RAD51B: variants seen among roughly 807,000 people sequenced by gnomAD.
The protein encoded by RAD51B is DNA repair protein RAD51 homolog 2.
RAD51B carries 38 observed loss-of-function variants against 42.2 expected under a neutral mutation model. The observed-to-expected ratio is 0.90, with a 90% CI of 0.70 to 1.18. The LOEUF (loss-of-function observed/expected upper bound fraction) is 1.18, where lower values mean the gene tolerates loss of function less well. RAD51B is among the 50% of genes most tolerant of loss of function. The probability of loss-of-function intolerance (pLI) is 0.00; values close to 1 mark genes in which losing one functional copy is unlikely to be tolerated. For missense variants in RAD51B, 373 were observed against 400.7 expected, an observed-to-expected ratio of 0.93 and a Z score of 0.59; for synonymous variants, 154 against 145.2, an observed-to-expected ratio of 1.06 and a Z score of -0.43.
intron 7 of RAD51B, 120 bp downstream of exon 7, chr14:67,887,324 TA>T: frequency 1.2e-6 from 1 of 850,202 alleles, no homozygotes; most frequent in African/African-American, 1.7e-5. Flanking sequence ...GATGACTTTT[TA>T]AAGGTAGTAC....
chr14:68,071,237 C>T (rs1279112658), intron 7 of RAD51B, among the ~76,000 whole-genome samples: 1 of 151,998 alleles, frequency 6.6e-6, no homozygotes, highest in Admixed American at 6.6e-5. Flanking sequence ...TTCCTTTCTT[C>T]CTATGTGGAT....
intron 7 of RAD51B, among the ~76,000 whole-genome samples, chr14:68,138,548 T>A (rs1482791805): frequency 1.3e-5 from 2 of 152,148 alleles, no homozygotes; most frequent in Admixed American, 6.6e-5. Context: ...GATAAAAACT[T>A]TTCTGTCTTT....
At chr14:68,416,875 T>C (rs2084574159) in intron 9 of RAD51B, among the ~76,000 whole-genome samples, 1 of 151,966 alleles carries the variant, frequency 6.6e-6, no homozygotes, top group African/African-American at 2.4e-5. Context: ...AGGGACCAGA[T>C]AGCATGAGGA....
intron 7 of RAD51B, among the ~76,000 whole-genome samples, chr14:68,256,788 G>A (rs1003349352): frequency 1.2e-4 from 19 of 152,022 alleles, no homozygotes; most frequent in South Asian, 1.0e-3. Flanking sequence ...TCTGAAACCC[G>A]ATACAAAAAG....
intron 7 of RAD51B, among the ~76,000 whole-genome samples, chr14:68,079,736 T>C (rs1023556031): frequency 6.6e-6 from 1 of 152,222 alleles, no homozygotes; most frequent in Non-Finnish European, 1.5e-5. Flanking sequence ...TTTTTCTCAC[T>C]GCATAGGATA....
chr14:67,945,458 A>C (rs1315921778), intron 7 of RAD51B, among the ~76,000 whole-genome samples: 8 of 152,094 alleles, frequency 5.3e-5, no homozygotes, highest in African/African-American at 1.9e-4. Context: ...TGGGTATGTG[A>C]TTGGTGAGAA....
intron 7 of RAD51B, among the ~76,000 whole-genome samples, chr14:68,009,737 TA>T (rs1056410882): frequency 6.6e-6 from 1 of 151,950 alleles, no homozygotes; most frequent in African/African-American, 2.4e-5. Context: ...TAGTTTTCTC[TA>T]TTTTTTCCTG....
At chr14:68,352,495 C>A (rs1177686659) in intron 8 of RAD51B, among the ~76,000 whole-genome samples, 1 of 152,250 alleles carries the variant, frequency 6.6e-6, no homozygotes, top group Non-Finnish European at 1.5e-5. Context: ...TTGTAGAAGT[C>A]TCTTCCCAAA....
At chr14:68,080,369 C>T (rs951054043) in intron 7 of RAD51B, among the ~76,000 whole-genome samples, 1 of 152,076 alleles carries the variant, frequency 6.6e-6, no homozygotes, top group Non-Finnish European at 1.5e-5. Context: ...TTTTCCTTTT[C>T]TGGGATTCTT....
chr14:68,517,025 CAAAT>C (rs769323716), intron 10 of RAD51B, among the ~76,000 whole-genome samples: 5 of 152,162 alleles, frequency 3.3e-5, no homozygotes, highest in Non-Finnish European at 7.4e-5. Flanking sequence ...AAATGCCTGT[CAAAT>C]AACCAAATCT....
Position 68,162,507 on chromosome 14 carries a change from C to T in RAD51B, c.757-129377C>T, listed in dbSNP as rs371880728. Among the ~76,000 whole-genome samples the T allele has an allele frequency of 1.3e-4, 20 of 152,220 alleles. No homozygotes were observed. The South Asian group carries it at 2.3e-3, about 17-fold the overall frequency. On this transcript the variant is annotated intron_variant, in intron 7 of 10. Coordinates refer to ENST00000471583, the MANE Select transcript of RAD51B (RefSeq NM_133510.4). ...AATTATTTTTTAAAATCCGAGCTGC[C>T]GGGCGTAGTGGCTCACGCCAGTAAT... is the stretch of plus-strand genomic sequence containing the variant.
At chr14:68,412,142 T>C (rs963212853) in intron 9 of RAD51B, among the ~76,000 whole-genome samples, 11 of 152,220 alleles carry the variant, frequency 7.2e-5, no homozygotes, top group Non-Finnish European at 1.5e-4. Context: ...CTTTTAAGTC[T>C]TCTGTCTTCA....
chr14:68,447,015 G>A (rs1354738139), intron 9 of RAD51B, among the ~76,000 whole-genome samples: 5 of 152,106 alleles, frequency 3.3e-5, no homozygotes, highest in African/African-American at 7.2e-5. Context: ...TCAGGAGTTC[G>A]AGACCAGCCT....
intron 7 of RAD51B, among the ~76,000 whole-genome samples, chr14:68,024,843 T>A (rs559194129): frequency 6.6e-6 from 1 of 152,092 alleles, no homozygotes; most frequent in South Asian, 2.1e-4. Flanking sequence ...ATTTATTTTT[T>A]ATTTTTTTGC....
intron 9 of RAD51B, among the ~76,000 whole-genome samples, chr14:68,412,498 G>GC (rs2084446665): frequency 6.6e-6 from 1 of 152,188 alleles, no homozygotes; most frequent in Admixed American, 6.5e-5. Context: ...AGGTAAACTG[G>GC]CTCTTTTTCA....
intron 7 of RAD51B, among the ~76,000 whole-genome samples, chr14:68,120,404 T>G (rs2077627819): frequency 1.3e-5 from 2 of 152,194 alleles, no homozygotes; most frequent in South Asian, 4.1e-4. Flanking sequence ...ATATAAGTGG[T>G]TTAAGTTTCT....
At chr14:68,470,416 C>T in intron 10 of RAD51B, 1 of 448,024 alleles carries the variant, frequency 2.2e-6, no homozygotes, top group East Asian at 5.5e-5. Context: ...ACAAAAAATG[C>T]AGGTCCCCAG....
intron 10 of RAD51B, among the ~76,000 whole-genome samples, chr14:68,558,353 G>A (rs185602058): frequency 1.6e-4 from 25 of 152,376 alleles, no homozygotes; most frequent in Admixed American, 3.9e-4. Flanking sequence ...ATTCGGCCAC[G>A]AGAGCTATAC....
chr14:68,245,517 AAATATTTGGTTCAAATT>A (rs1168115151), intron 7 of RAD51B, among the ~76,000 whole-genome samples: 1 of 152,268 alleles, frequency 6.6e-6, no homozygotes, highest in Non-Finnish European at 1.5e-5. Flanking sequence ...GGCCTGCCTC[AAATATTTGGTTCAAATT>A]ATGCAACATA....
Sources: allele counts gnomAD v4.1 joint callset (sites outside exome capture counted in the v4.1 genomes callset), GRCh38; gene constraint gnomAD v4.1.1; transcripts MANE v1.5; gene names NCBI Gene and HGNC (gene_info 2026-07-23, HGNC 2026-07-21).